Variants in MPIG6B observed in about 807,000 individuals in gnomAD.
MPIG6B encodes the protein megakaryocyte and platelet inhibitory receptor G6b.
A neutral mutation model predicts 24.2 loss-of-function variants in MPIG6B; 22 were observed. The observed-to-expected ratio is 0.91, with a 90% CI of 0.65 to 1.30. The LOEUF (loss-of-function observed/expected upper bound fraction) is 1.30. Ranked by LOEUF, MPIG6B falls within the 50% of genes most tolerant of loss-of-function variation. The pLI is 0.00. For missense variants in MPIG6B, 301 were observed against 318.5 expected (o/e 0.94, Z 0.42); for synonymous variants, 136 against 142.0 (o/e 0.96, Z 0.30).
upstream of MPIG6B, chr6:31,723,213 T>C: frequency 1.5e-6 from 1 of 658,132 alleles, no homozygotes; most frequent in Non-Finnish European, 2.7e-6. This position sits in a 1 kb window ranked among gnomAD's most constrained non-coding sequence, Gnocchi z 4.3. Flanking sequence ...AGACTCCGAG[T>C]TTGCCTGCGA....
Position 31,724,171 on chromosome 6 carries a change from C to A in MPIG6B, c.439C>A (p.Leu147Met). The A allele has an allele frequency of 6.2e-7, 1 of 1,613,256 alleles. No individual in the cohort carries two copies. ...GSVYPQLLIP[L>M]LGAGLVLGLG... ...CGTGTATCCCCAGCTCCTGATCCCG[C>A]TGCTGGGCGCTGGGTTGGTGCTCGG... Residue 147 changes from leucine to methionine, a missense_variant, in exon 3 of 6, where the codon CTG (leucine) becomes ATG (methionine). Coordinates refer to ENST00000649779, the MANE Select transcript of MPIG6B (RefSeq NM_138272.3).
upstream of MPIG6B, chr6:31,721,181 G>C (rs1806759829): frequency 5.9e-6 from 1 of 170,246 alleles, no homozygotes; most frequent in Non-Finnish European, 1.2e-5. Flanking sequence ...TGGAGTAGAT[G>C]GGGAGGGTAG....
At chr6:31,721,230 G>A (rs1454002337), upstream of MPIG6B, among the ~76,000 whole-genome samples, 3 of 152,236 alleles carry the variant, frequency 2.0e-5, no homozygotes, top group East Asian at 1.9e-4. Flanking sequence ...CTAGGTCTTC[G>A]AGAGGACACC....
upstream of MPIG6B, chr6:31,720,307 G>C: frequency 2.7e-6 from 2 of 752,746 alleles, no homozygotes; most frequent in Non-Finnish European, 4.6e-6. The surrounding 1 kb of genome is among the most constrained non-coding windows in gnomAD (Gnocchi z 4.9). Flanking sequence ...CCATCCCGTA[G>C]GTGCTCCAAC....
Position 31,725,054 on chromosome 6 carries a change from A to G in MPIG6B, c.706A>G (p.Ile236Val). 6.2e-7 allele frequency: 1 copy of G among 1,612,914 alleles called. No homozygotes were observed. The highest frequency in any genetic ancestry group is 1.7e-4 in the Middle Eastern group (1 of 6,060). Reference sequence around the variant, plus strand: ...AGCGGACCCTGCTGATGCCTCCACCATCTATGCAGTTGTAGTTTGAAGGGA... The same window carrying G: ...AGCGGACCCTGCTGATGCCTCCACCGTCTATGCAGTTGTAGTTTGAAGGGA... ...STADPADAST[I>V]YAVVV The change falls in exon 6 of 6, where the codon ATC becomes GTC. Residue 236 changes from isoleucine to valine, a missense_variant. Ile to Val is a conservative substitution (Grantham distance 29, BLOSUM62 3). Coordinates refer to ENST00000649779, the MANE Select transcript of MPIG6B (RefSeq NM_138272.3). This position sits in a 1 kb window ranked among gnomAD's most constrained non-coding sequence, Gnocchi z 5.2.
At position 31,726,189 on chromosome 6, in the gene MPIG6B, C is replaced by G. The variant is rs771111253; in HGVS notation, c.*1115C>G. The G allele has an allele frequency of 2.6e-5, 4 of 152,364 alleles. No homozygotes were observed. Among genetic ancestry groups the G allele is most frequent in the Non-Finnish European group, 5.9e-5 (4 of 68,074 alleles). The allele number at this position is 152,364 out of a possible 1,614,324, so 9.4% of individuals were successfully genotyped here. ...TTTCCTCCCTGAAGTCAGAGAGATC[C>G]TACTCAAGAGATAACTGCTCCTGAC... is the stretch of plus-strand genomic sequence containing the variant. On this transcript the variant is annotated 3_prime_UTR_variant, in exon 6 of 6. Transcript: ENST00000649779. This position sits in a 1 kb window ranked among gnomAD's most constrained non-coding sequence, Gnocchi z 5.1.
At position 31,724,752 on chromosome 6, in the gene MPIG6B, C is replaced by A. The variant is rs1013974013; in HGVS notation, c.542-13C>A. The A allele has an allele frequency of 1.2e-6, 2 of 1,613,152 alleles. No individual in the cohort carries two copies. Among genetic ancestry groups the A allele is most frequent in the Non-Finnish European group, 8.5e-7 (1 of 1,179,212 alleles). On this transcript the variant is annotated splice_polypyrimidine_tract_variant and intron_variant, in intron 4 of 5. Transcript: ENST00000649779. ...CCTTCTCTCCATCCTTCAGCTCTGT[C>A]CCCCCCACATAGCTCCACTTGTGAA...
rs1329865428 is a variant in MPIG6B, at chr6:31,723,564, G to A, written c.62-75G>A. 1 of 1,424,896 alleles carries A rather than the reference G, an allele frequency of 7.0e-7. No homozygotes were observed. 88.3% of individuals were successfully genotyped at this position (1,424,896 alleles called of 1,614,324 possible). On this transcript the variant is annotated intron_variant, in intron 1 of 5. Transcript: ENST00000649779. This position sits in a 1 kb window ranked among gnomAD's most constrained non-coding sequence, Gnocchi z 4.3. ...GATGGCTGGAGTGCAGAACAGAGAA[G>A]AGAAAGAGGAGACGGGATGGAGGGT...
chr6:31,724,842 C>T lies in MPIG6B; in HGVS notation c.619C>T (p.Pro207Ser). 1.9e-6 allele frequency: 3 copies of T among 1,613,868 alleles called. No individual in the cohort carries two copies. The highest frequency in any genetic ancestry group is 2.5e-6 in the Non-Finnish European group (3 of 1,179,910). ...GATTCCAGGGGACCTGGACCAGGAA[C>T]CGGTAAGGGCATGGGGATGGGAAGG... is the stretch of plus-strand genomic sequence containing the variant. Reference protein sequence around the residue: ...PKIPGDLDQEPSLLYADLDHL... With the variant: ...PKIPGDLDQESSLLYADLDHL... Residue 207 changes from proline (P) to serine (S), a missense_variant and splice_region_variant, in exon 5 of 6, where the codon CCG becomes TCG. Physicochemically the swap from Pro to Ser is moderately conservative, Grantham distance 74. Coordinates refer to ENST00000649779, the MANE Select transcript of MPIG6B (RefSeq NM_138272.3).
rs1807253255 is a variant in MPIG6B at position 31,725,190 on chromosome 6, C to G, written c.*116C>G. 1 of 729,834 alleles carries G rather than the reference C, an allele frequency of 1.4e-6. No homozygotes were observed. Among genetic ancestry groups the G allele is most frequent in the Non-Finnish European group, 2.3e-6 (1 of 435,080 alleles). The allele number at this position is 729,834 out of a possible 1,614,324, so 45.2% of individuals were successfully genotyped here. A position where few individuals can be genotyped will look rare whatever the true frequency, so the allele number is the denominator to read the frequency against. On this transcript the variant is annotated 3_prime_UTR_variant, in exon 6 of 6. Transcript: ENST00000649779. This position sits in a 1 kb window ranked among gnomAD's most constrained non-coding sequence, Gnocchi z 5.2. ...AGGCACCATGGTATAGAAATAAGTG[C>G]TAGACTGGGAGTTGGGAGACCTGGG...
upstream of MPIG6B, chr6:31,723,318 C>T (rs937091365): frequency 1.1e-5 from 15 of 1,408,710 alleles, no homozygotes; most frequent in African/African-American, 1.4e-5. The surrounding 1 kb of genome is among the most constrained non-coding windows in gnomAD (Gnocchi z 4.3). Context: ...AACTTCCCTC[C>T]GGTCCCCCCC....
rs116400360 is a variant in MPIG6B at position 31,724,021 on chromosome 6, C to T, written c.409+35C>T. 114 of 1,561,630 alleles carry T rather than the reference C, an allele frequency of 7.3e-5. No individual in the cohort carries two copies. The African/African-American group carries it at 1.3e-3, about 18-fold the overall frequency. On this transcript the variant is annotated intron_variant, in intron 2 of 5. Transcript: ENST00000649779. ...GGCCTGTGCGCACAAGGGTACTTAA[C>T]TCCGACACATACCCGGAGGAGGGAA...
chr6:31,724,229 A>C lies in MPIG6B; in HGVS notation c.497A>C (p.His166Pro). 1 of 1,612,390 alleles carries C rather than the reference A, an allele frequency of 6.2e-7. No individual in the cohort carries two copies. The highest frequency in any genetic ancestry group is 2.2e-5 in the East Asian group (1 of 44,868). The change falls in exon 3 of 6, where the codon CAC becomes CCC. Residue 166 changes from histidine to proline, a missense_variant. Physicochemically the swap from His to Pro is moderately conservative, Grantham distance 77. Coordinates refer to ENST00000649779, the MANE Select transcript of MPIG6B (RefSeq NM_138272.3). Reference sequence around the variant, plus strand: ...GCTTTGGGCCTGGTCTGGTGGCTGCACAGGTGAGCAGGAGGGACCCGGCCT... The same window carrying C: ...GCTTTGGGCCTGGTCTGGTGGCTGCCCAGGTGAGCAGGAGGGACCCGGCCT... ...LGALGLVWWL[H>P]RRLPPQPIRP...
At chr6:31,722,845 CAA>C (rs9281563), upstream of MPIG6B, among the ~76,000 whole-genome samples, 16 of 74,576 alleles carry the variant, frequency 2.1e-4, no homozygotes, top group East Asian at 3.8e-4. Flanking sequence ...GACTCTGACT[CAA>C]AAAAAAAAAA....
chr6:31,721,691 T>G, upstream of MPIG6B: 4 of 1,613,916 alleles, frequency 2.5e-6, no homozygotes, highest in Non-Finnish European at 1.7e-6. Context: ...GCGAGGGTCC[T>G]GAGAATGGTG....
Position 31,726,552 on chromosome 6 carries a change from C to G in MPIG6B, c.*1478C>G, listed in dbSNP as rs1443457121. ...TATACTTTGATGCCCTAGGGCGCAC[C>G]CCCTTTATTTCCCTCATAGAAACAG... On this transcript the variant is annotated 3_prime_UTR_variant, in exon 6 of 6. Transcript: ENST00000649779. This position sits in a 1 kb window ranked among gnomAD's most constrained non-coding sequence, Gnocchi z 5.1. 6.6e-6 allele frequency: 1 copy of G among 152,232 alleles called. No homozygotes were observed. The highest frequency in any genetic ancestry group is 2.4e-5 in the African/African-American group (1 of 41,446). The allele number at this position is 152,232 out of a possible 1,614,324, so 9.4% of individuals were successfully genotyped here.
At position 31,725,220 on chromosome 6, in the gene MPIG6B, A is replaced by G. The variant is rs1430552998; in HGVS notation, c.*146A>G. On this transcript the variant is annotated 3_prime_UTR_variant, in exon 6 of 6. Coordinates refer to ENST00000649779, the MANE Select transcript of MPIG6B (RefSeq NM_138272.3). The surrounding 1 kb of genome is among the most constrained non-coding windows in gnomAD (Gnocchi z 5.2). ...CTGGGAGTTGGGAGACCTGGGTTCC[A>G]GGCTGTCTCTGCCACTGGTCTTACT... is the stretch of plus-strand genomic sequence containing the variant. The G allele has an allele frequency of 8.0e-6, 5 of 626,640 alleles. No individual in the cohort carries two copies. Among genetic ancestry groups the G allele is most frequent in the South Asian group, 1.9e-5 (1 of 51,338 alleles). The allele number at this position is 626,640 out of a possible 1,614,324, so 38.8% of individuals were successfully genotyped here.
Position 31,726,426 on chromosome 6 carries a change from C to G in MPIG6B, c.*1352C>G, listed in dbSNP as rs1807371176. 6.6e-6 allele frequency: 1 copy of G among 152,216 alleles called. No individual in the cohort carries two copies. The highest frequency in any genetic ancestry group is 2.1e-4 in the South Asian group (1 of 4,828). The allele number at this position is 152,216 out of a possible 1,614,324, so 9.4% of individuals were successfully genotyped here. A position where few individuals can be genotyped will look rare whatever the true frequency, so the allele number is the denominator to read the frequency against. On this transcript the variant is annotated 3_prime_UTR_variant, in exon 6 of 6. Transcript: ENST00000649779. The surrounding 1 kb of genome is among the most constrained non-coding windows in gnomAD (Gnocchi z 5.1). The stretch of plus-strand genomic sequence containing the variant: ...TGCAATTCCTTCTTCCTGTATTACC[C>G]CTTTCCCTCCTTCACACTATCTGCC...
upstream of MPIG6B, chr6:31,722,964 T>C (rs1806914882): frequency 1.5e-5 from 4 of 274,780 alleles, 1 homozygote; most frequent in South Asian, 1.6e-4. Context: ...CACAATCCCC[T>C]ACAAAACAGG....
Sources: allele counts gnomAD v4.1 joint callset (sites outside exome capture counted in the v4.1 genomes callset), GRCh38; gene constraint gnomAD v4.1.1; non-coding constraint Gnocchi (gnomAD v3.1); transcripts MANE v1.5; gene names NCBI Gene and HGNC (gene_info 2026-07-23, HGNC 2026-07-21).